Variants in RNF169 observed in about 807,000 individuals in gnomAD.
The protein encoded by RNF169 is E3 ubiquitin-protein ligase RNF169.
In RNF169, 24 loss-of-function variants were observed where a neutral mutation model predicts 53.9. That is an observed-to-expected ratio of 0.45 (90% confidence interval 0.32 to 0.63). The LOEUF (loss-of-function observed/expected upper bound fraction) is 0.63. Ranked by LOEUF, RNF169 falls within the 20% of genes least tolerant of loss-of-function variation. The pLI is 0.04. For missense variants in RNF169, 883 were observed against 906.2 expected, an observed-to-expected ratio of 0.97 and a Z score of 0.33; for synonymous variants, 396 against 363.5, an observed-to-expected ratio of 1.09 and a Z score of -1.02.
At chr11:74,788,704 A>G (rs1490425896) in intron 1 of RNF169, among the ~76,000 whole-genome samples, 1 of 152,108 alleles carries the variant, frequency 6.6e-6, no homozygotes, top group Non-Finnish European at 1.5e-5. Context: ...TCTGTTTTTA[A>G]TTGCAGTGTG....
At chr11:74,754,250 A>G (rs961917602) in intron 1 of RNF169, among the ~76,000 whole-genome samples, 1 of 152,184 alleles carries the variant, frequency 6.6e-6, no homozygotes, top group Non-Finnish European at 1.5e-5. Context: ...ACAGGCTTAC[A>G]TAGGTAGATT....
intron 3 of RNF169, among the ~76,000 whole-genome samples, chr11:74,814,743 ATAT>A (rs1461694720): frequency 6.6e-6 from 1 of 152,066 alleles, no homozygotes; most frequent in Non-Finnish European, 1.5e-5. Flanking sequence ...TGGTCTTATA[ATAT>A]TCTTGATTGT....
chr11:74,826,772 T>TAA (rs1032863313), intron 4 of RNF169, among the ~76,000 whole-genome samples: 1 of 152,220 alleles, frequency 6.6e-6, no homozygotes, highest in African/African-American at 2.4e-5. Flanking sequence ...AGCTAAATCT[T>TAA]AAAGTTCTGA....
In RNF169 at chr11:74,786,687, A is replaced by G. The variant is rs1314834536; in HGVS notation, c.503-2939A>G. The stretch of plus-strand genomic sequence containing the variant: ...AGTAAATTCTGCTGCATGCCACTCT[A>G]CTGGCTAAAATAGTTTGCAAAGTGT... On this transcript the variant is annotated intron_variant, in intron 1 of 5. Transcript: ENST00000299563. 2.0e-5 allele frequency among the ~76,000 whole-genome samples: 3 copies of G among 152,214 alleles called. No individual in the cohort carries two copies. In the South Asian group the frequency reaches 6.2e-4, roughly 32 times the overall value.
intron 1 of RNF169, among the ~76,000 whole-genome samples, chr11:74,772,158 C>T (rs2035269209): frequency 1.4e-5 from 2 of 144,848 alleles, no homozygotes; most frequent in African/African-American, 5.5e-5. Flanking sequence ...TTTGCCTGAT[C>T]TAAGGGAAAA....
At chr11:74,829,456 C>G (rs888885291) in intron 4 of RNF169, among the ~76,000 whole-genome samples, 3 of 152,120 alleles carry the variant, frequency 2.0e-5, no homozygotes, top group African/African-American at 7.2e-5. Flanking sequence ...AACCTAGAAG[C>G]AGAAATACCA....
rs200653529 is a variant in RNF169, at chr11:74,767,875, A to T, written c.502+18493A>T. 3.3e-5 allele frequency among the ~76,000 whole-genome samples: 5 copies of T among 152,016 alleles called. No individual in the cohort carries two copies. In the East Asian group the frequency reaches 9.7e-4, roughly 29 times the overall value. On this transcript the variant is annotated intron_variant, in intron 1 of 5. Transcript: ENST00000299563. Reference sequence around the variant, plus strand: ...TTTTTAAAAATAGAGATGGGGTTTCAGTATGTTGCCAGGGCAGGTCTTGAA... The same window carrying T: ...TTTTTAAAAATAGAGATGGGGTTTCTGTATGTTGCCAGGGCAGGTCTTGAA...
At chr11:74,779,169 TA>T (rs1486328175) in intron 1 of RNF169, among the ~76,000 whole-genome samples, 6 of 152,218 alleles carry the variant, frequency 3.9e-5, no homozygotes, top group Non-Finnish European at 8.8e-5. Flanking sequence ...ATATTTCAGA[TA>T]ACTGTCTTAG....
rs1464924271 is a variant in RNF169 at position 74,840,895 on chromosome 11, A to C, written c.*4165A>C. On this transcript the variant is annotated 3_prime_UTR_variant, in exon 6 of 6. Transcript: ENST00000299563. ...ATAATCATTAAAGTTTGACACACGCAGACACACGCACCAATGATGGGGATA... is the reference window on the plus strand; with the variant it reads ...ATAATCATTAAAGTTTGACACACGCCGACACACGCACCAATGATGGGGATA... 1 of 151,370 alleles carries C rather than the reference A, an allele frequency of 6.6e-6. No homozygotes were observed. The highest frequency in any genetic ancestry group is 1.5e-5 in the Non-Finnish European group (1 of 67,916). 9.4% of individuals were successfully genotyped at this position (151,370 alleles called of 1,614,324 possible). A position where few individuals can be genotyped will look rare whatever the true frequency, so the allele number is the denominator to read the frequency against.
chr11:74,783,741 A>T (rs1032739923), intron 1 of RNF169, among the ~76,000 whole-genome samples: 5 of 152,142 alleles, frequency 3.3e-5, no homozygotes, highest in African/African-American at 9.7e-5. Context: ...CATTTCACCC[A>T]CAATTTCCTC....
intron 2 of RNF169, among the ~76,000 whole-genome samples, chr11:74,792,729 G>T: frequency 6.6e-6 from 1 of 152,198 alleles, no homozygotes; most frequent in East Asian, 1.9e-4. Flanking sequence ...AACCTTGGGA[G>T]AGAGAAGGAA....
chr11:74,834,052 G>A (rs1011408531), intron 4 of RNF169, among the ~76,000 whole-genome samples: 1 of 152,226 alleles, frequency 6.6e-6, no homozygotes, highest in Non-Finnish European at 1.5e-5. Flanking sequence ...ATGCTATAGT[G>A]TAGTGGACTT....
chr11:74,836,831 C>A lies in RNF169; in HGVS notation c.*101C>A. On this transcript the variant is annotated 3_prime_UTR_variant, in exon 6 of 6. Transcript: ENST00000299563. ...CTTTGGTTTTATTTTAATGGCAAAA[C>A]ACTGTCTAATATGGTTCTGAGAGGT... 1.1e-6 allele frequency: 1 copy of A among 882,812 alleles called. No individual in the cohort carries two copies. Among genetic ancestry groups the A allele is most frequent in the Non-Finnish European group, 1.7e-6 (1 of 588,122 alleles). 54.7% of individuals were successfully genotyped at this position (882,812 alleles called of 1,614,324 possible). A position where few individuals can be genotyped will look rare whatever the true frequency, so the allele number is the denominator to read the frequency against.
chr11:74,816,654 G>C (rs2035944983), intron 3 of RNF169, among the ~76,000 whole-genome samples: 1 of 152,212 alleles, frequency 6.6e-6, no homozygotes, highest in African/African-American at 2.4e-5. Flanking sequence ...TATAGGCAGA[G>C]AGCAGAGACG....
intron 1 of RNF169, among the ~76,000 whole-genome samples, chr11:74,779,811 T>G (rs934726590): frequency 3.3e-5 from 5 of 152,168 alleles, no homozygotes; most frequent in African/African-American, 1.2e-4. Context: ...TGACAGTGGT[T>G]GTTCAAGGTT....
At chr11:74,796,371 T>C (rs895408702) in intron 2 of RNF169, among the ~76,000 whole-genome samples, 8 of 152,326 alleles carry the variant, frequency 5.3e-5, no homozygotes, top group African/African-American at 1.7e-4. Context: ...GTGCAGTTAA[T>C]GCATGTTGAA....
chr11:74,760,119 T>C (rs1226436530), intron 1 of RNF169, among the ~76,000 whole-genome samples: 4 of 151,638 alleles, frequency 2.6e-5, no homozygotes, highest in Non-Finnish European at 4.4e-5. Flanking sequence ...TAGTATTCTC[T>C]GATGGTAGTT....
chr11:74,766,041 A>C (rs367754344), intron 1 of RNF169, among the ~76,000 whole-genome samples: 206 of 152,256 alleles, frequency 1.4e-3, no homozygotes, highest in African/African-American at 4.8e-3. Flanking sequence ...GAAAAGGCAT[A>C]AATATTAGGA....
At chr11:74,790,990 G>A (rs576322486) in intron 2 of RNF169, among the ~76,000 whole-genome samples, 32 of 152,328 alleles carry the variant, frequency 2.1e-4, no homozygotes, top group South Asian at 4.1e-4. Context: ...GCCATTCGGC[G>A]GGTCCCAAGT....
Sources: allele counts gnomAD v4.1 joint callset (sites outside exome capture counted in the v4.1 genomes callset), GRCh38; gene constraint gnomAD v4.1.1; transcripts MANE v1.5; gene names NCBI Gene and HGNC (gene_info 2026-07-23, HGNC 2026-07-21).